The following GOLIM4 variants were observed in gnomAD, a reference collection of about 807,000 sequenced individuals.
GOLIM4 encodes golgi integral membrane protein 4, also known as 130 kDa golgi-localized phosphoprotein.
A neutral mutation model predicts 107.4 loss-of-function variants in GOLIM4; 71 were observed. The observed-to-expected ratio is 0.66, with a 90% CI of 0.55 to 0.81. The LOEUF (loss-of-function observed/expected upper bound fraction) is 0.81, where lower values mean the gene tolerates loss of function less well. Ranked by LOEUF, GOLIM4 falls within the 30% of genes least tolerant of loss-of-function variation. The pLI is 0.00. For missense variants in GOLIM4, 830 were observed against 826.1 expected (o/e 1.00, Z -0.06); for synonymous variants, 327 against 294.8 (o/e 1.11, Z -1.12).
chr3:168,065,754 G>A (rs984530893), intron 1 of GOLIM4, among the ~76,000 whole-genome samples: 1 of 152,142 alleles, frequency 6.6e-6, no homozygotes, highest in Non-Finnish European at 1.5e-5. Context: ...GTTCCTCCAT[G>A]GACTCAGCAG....
At chr3:168,075,959 TATA>T (rs1350222346) in intron 1 of GOLIM4, among the ~76,000 whole-genome samples, 1 of 152,178 alleles carries the variant, frequency 6.6e-6, no homozygotes, top group Non-Finnish European at 1.5e-5. Flanking sequence ...AACATACATA[TATA>T]ATAATATACA....
chr3:168,057,192 C>T (rs1348456051), intron 1 of GOLIM4, among the ~76,000 whole-genome samples: 3 of 152,188 alleles, frequency 2.0e-5, no homozygotes, highest in Admixed American at 6.5e-5. Context: ...GTGAGACATG[C>T]CTTTCACCTT....
At chr3:168,073,182 T>A (rs1560104185) in intron 1 of GOLIM4, among the ~76,000 whole-genome samples, 2 of 152,308 alleles carry the variant, frequency 1.3e-5, no homozygotes, top group East Asian at 3.9e-4. Context: ...TTCCCCAGCC[T>A]TGCAATTTTA....
Position 168,039,075 on chromosome 3 carries a change from T to C in GOLIM4, c.684+1711A>G, listed in dbSNP as rs144583420. On this transcript the variant is annotated intron_variant, in intron 7 of 15. Transcript: ENST00000470487. ...CAGAACTGTGAGAAATACATTTCCA[T>C]AGTTTATAAGACACCCAGTCTAGGG... Among the ~76,000 whole-genome samples, 518 of 152,202 alleles carry C rather than the reference T, an allele frequency of 3.4e-3. 3 individuals are homozygous for C. Among genetic ancestry groups the C allele is most frequent in the African/African-American group, 0.012 (500 of 41,520 alleles).
At chr3:168,015,424 A>G (rs1040603295) in intron 14 of GOLIM4, among the ~76,000 whole-genome samples, 1 of 139,068 alleles carries the variant, frequency 7.2e-6, no homozygotes, top group Non-Finnish European at 1.5e-5. Context: ...TTCCATGCTC[A>G]TGGGTAGGAA....
Position 168,095,801 on chromosome 3 carries a change from G to A in GOLIM4, c.-516C>T, listed in dbSNP as rs576673176. 7.6e-4 allele frequency: 117 copies of A among 153,924 alleles called. No individual in the cohort carries two copies. Among genetic ancestry groups the A allele is most frequent in the Non-Finnish European group, 1.3e-3 (88 of 69,256 alleles). 9.5% of individuals were successfully genotyped at this position (153,924 alleles called of 1,614,324 possible). A position where few individuals can be genotyped will look rare whatever the true frequency, so the allele number is the denominator to read the frequency against. On this transcript the variant is annotated 5_prime_UTR_variant, in exon 1 of 16. Coordinates refer to ENST00000470487, the MANE Select transcript of GOLIM4 (RefSeq NM_014498.5). ...GTGCGGCCTGCCCAATGGGTGGAAGGGTGGGGGCCAGCTGTCTCGGCTGGT... is the reference window on the plus strand; with the variant it reads ...GTGCGGCCTGCCCAATGGGTGGAAGAGTGGGGGCCAGCTGTCTCGGCTGGT...
chr3:168,011,246 G>A (rs9869340), intron 14 of GOLIM4, among the ~76,000 whole-genome samples: 39,751 of 147,894 alleles, frequency 0.27, 10,263 homozygotes, highest in African/African-American at 0.69. Flanking sequence ...TCAAAGGGTC[G>A]GGGAGTTCCC....
chr3:168,069,116 A>G (rs1298420422), intron 1 of GOLIM4, among the ~76,000 whole-genome samples: 1 of 152,180 alleles, frequency 6.6e-6, no homozygotes, highest in Non-Finnish European at 1.5e-5. Flanking sequence ...TACAGGTGTG[A>G]GCCACCATGC....
intron 11 of GOLIM4, 90 bp downstream of exon 11, chr3:168,029,133 C>A: frequency 3.6e-6 from 3 of 828,374 alleles, no homozygotes; most frequent in Non-Finnish European, 6.1e-6. Context: ...GCATACAGCT[C>A]ATTGATGTTA....
rs1718098678 is a variant in GOLIM4 at position 168,027,932 on chromosome 3, A to T, written c.1514-95T>A. 5.3e-6 allele frequency: 4 copies of T among 758,200 alleles called. No homozygotes were observed. The South Asian group carries it at 6.1e-5, about 12-fold the overall frequency. 47.0% of individuals were successfully genotyped at this position (758,200 alleles called of 1,614,324 possible). A position where few individuals can be genotyped will look rare whatever the true frequency, so the allele number is the denominator to read the frequency against. On this transcript the variant is annotated intron_variant, in intron 11 of 15. Coordinates refer to ENST00000470487, the MANE Select transcript of GOLIM4 (RefSeq NM_014498.5). The stretch of plus-strand genomic sequence containing the variant: ...AAGCCACCAGTGGACTTTTCTACAG[A>T]CTACAATACCTCCACCTCTGTTAAC...
In GOLIM4 at chr3:168,068,477, C is replaced by T. The variant is rs567436698; in HGVS notation, c.188-20112G>A. ...ACAGGTATGCAACTTACTGTTTATA[C>T]GTCAACTTCTTGCAGGATAAAAATA... On this transcript the variant is annotated intron_variant, in intron 1 of 15. Transcript: ENST00000470487. 1.5e-3 allele frequency among the ~76,000 whole-genome samples: 229 copies of T among 152,156 alleles called. 1 individual carries two copies. Among genetic ancestry groups the T allele is most frequent in the African/African-American group, 5.4e-3 (225 of 41,526 alleles).
chr3:168,019,248 C>A (rs1194661584), intron 14 of GOLIM4, among the ~76,000 whole-genome samples: 1 of 152,174 alleles, frequency 6.6e-6, no homozygotes, highest in East Asian at 1.9e-4. Context: ...CCCCTTAGAG[C>A]CACCTCCAAT....
intron 1 of GOLIM4, among the ~76,000 whole-genome samples, chr3:168,077,308 G>C (rs769641716): frequency 1.3e-5 from 2 of 152,178 alleles, no homozygotes; most frequent in Non-Finnish European, 2.9e-5. Flanking sequence ...TTGGCCAATG[G>C]AATGTGGACA....
chr3:168,038,174 T>C (rs1718769551), intron 7 of GOLIM4, among the ~76,000 whole-genome samples: 1 of 152,200 alleles, frequency 6.6e-6, no homozygotes, highest in Admixed American at 6.5e-5. Flanking sequence ...ACCATATGAC[T>C]AGCAATGGCC....
chr3:168,060,649 T>C (rs1440858277), intron 1 of GOLIM4, among the ~76,000 whole-genome samples: 1 of 152,006 alleles, frequency 6.6e-6, no homozygotes, highest in Non-Finnish European at 1.5e-5. Flanking sequence ...TGAAACAAAA[T>C]CAAAAATAAT....
chr3:168,010,781 G>A lies in GOLIM4; in HGVS notation c.1903C>T (p.His635Tyr). The change falls in exon 15 of 16, where the codon CAT (histidine) becomes TAT (tyrosine). Residue 635 changes from histidine (H) to tyrosine (Y), a missense_variant. Transcript: ENST00000470487. ...TCACCATAGGTCTCTTCAGCATTAT[G>A]CTCCAGTTCCCTTTTTTTCTCTTCA... ...LTEEKKRELE[H>Y]NAEETYGEND... The A allele has an allele frequency of 1.2e-6, 2 of 1,612,168 alleles. No homozygotes were observed. Among genetic ancestry groups the A allele is most frequent in the Non-Finnish European group, 8.5e-7 (1 of 1,178,736 alleles).
intron 1 of GOLIM4, among the ~76,000 whole-genome samples, chr3:168,083,634 T>C (rs1258220409): frequency 6.6e-6 from 1 of 152,200 alleles, no homozygotes; most frequent in Non-Finnish European, 1.5e-5. Context: ...TTTACAAAAG[T>C]ATTGAGTCAG....
intron 1 of GOLIM4, among the ~76,000 whole-genome samples, chr3:168,073,279 G>A (rs1720924532): frequency 6.6e-6 from 1 of 152,186 alleles, no homozygotes; most frequent in Non-Finnish European, 1.5e-5. Flanking sequence ...CTTTGTGTTT[G>A]TAACTTCAGA....
At chr3:168,080,349 C>T (rs895422890) in intron 1 of GOLIM4, among the ~76,000 whole-genome samples, 2 of 152,084 alleles carry the variant, frequency 1.3e-5, no homozygotes, top group Non-Finnish European at 2.9e-5. Context: ...TTGTAAGACA[C>T]AACACAATTA....
Sources: allele counts gnomAD v4.1 joint callset (sites outside exome capture counted in the v4.1 genomes callset), GRCh38; gene constraint gnomAD v4.1.1; transcripts MANE v1.5; gene names NCBI Gene and HGNC (gene_info 2026-07-23, HGNC 2026-07-21).